Variants in RIMS1 observed in about 807,000 individuals in gnomAD.
RIMS1 encodes regulating synaptic membrane exocytosis protein 1.
Under a neutral mutation model 214.1 loss-of-function variants are expected in RIMS1, and 83 were observed. That is an observed-to-expected ratio of 0.39 (90% confidence interval 0.32 to 0.47). The LOEUF (loss-of-function observed/expected upper bound fraction) is 0.47, where lower values mean the gene tolerates loss of function less well. Ranked by LOEUF, RIMS1 falls within the 20% of genes least tolerant of loss-of-function variation. The probability of loss-of-function intolerance (pLI) is 0.99; values close to 1 mark genes in which losing one functional copy is unlikely to be tolerated. For missense variants in RIMS1, 2,050 were observed against 2,161.8 expected, an observed-to-expected ratio of 0.95 and a Z score of 1.03; for synonymous variants, 793 against 786.8, an observed-to-expected ratio of 1.01 and a Z score of -0.13.
At chr6:71,888,820 A>G (rs1768664736) in intron 1 of RIMS1, among the ~76,000 whole-genome samples, 1 of 152,222 alleles carries the variant, frequency 6.6e-6, no homozygotes, top group South Asian at 2.1e-4. Context: ...TTCTCATCCA[A>G]AAATCAAATA....
chr6:72,000,642 A>G (rs772038072), intron 2 of RIMS1, among the ~76,000 whole-genome samples: 3 of 152,166 alleles, frequency 2.0e-5, no homozygotes, highest in Non-Finnish European at 2.9e-5. Context: ...GGCTGCTTCT[A>G]AAGTCCTAAA....
intron 6 of RIMS1, among the ~76,000 whole-genome samples, chr6:72,210,641 CA>C (rs1321857661): frequency 2.0e-5 from 3 of 152,120 alleles, no homozygotes; most frequent in Non-Finnish European, 4.4e-5. Flanking sequence ...TGAGAGTCCC[CA>C]AATTTAAGGA....
At chr6:72,293,736 T>A (rs1218223836) in intron 26 of RIMS1, among the ~76,000 whole-genome samples, 1 of 151,788 alleles carries the variant, frequency 6.6e-6, no homozygotes, top group Admixed American at 6.6e-5. Flanking sequence ...CAAAATAAGT[T>A]GTATTGTATG....
chr6:71,951,765 C>G (rs930256872), intron 1 of RIMS1, among the ~76,000 whole-genome samples: 1 of 151,816 alleles, frequency 6.6e-6, no homozygotes, highest in Non-Finnish European at 1.5e-5. Context: ...CCAGCACTCT[C>G]CCAAAGTGCT....
At chr6:72,274,314 C>G in intron 22 of RIMS1, 35 bp from the exon 23 acceptor site, 1 of 1,454,914 alleles carries the variant, frequency 6.9e-7, no homozygotes, top group Non-Finnish European at 9.6e-7. Flanking sequence ...TACTAAATGT[C>G]CTGTTTTTTC....
At chr6:72,007,562 G>T (rs1343807863) in intron 2 of RIMS1, among the ~76,000 whole-genome samples, 1 of 152,164 alleles carries the variant, frequency 6.6e-6, no homozygotes, top group Non-Finnish European at 1.5e-5. Context: ...TGGCAAAGAA[G>T]TTAAAAACCT....
chr6:72,400,422 C>A, intron 33 of RIMS1, 74 bp from the exon 34 acceptor site: 1 of 1,268,272 alleles, frequency 7.9e-7, no homozygotes, highest in Non-Finnish European at 1.2e-6. Flanking sequence ...ACTTTTACAG[C>A]ATAGTTGCTT....
intron 4 of RIMS1, among the ~76,000 whole-genome samples, chr6:72,160,332 G>A (rs1017853092): frequency 2.9e-5 from 4 of 139,778 alleles, no homozygotes; most frequent in African/African-American, 9.9e-5. Context: ...TCTGCCAACA[G>A]GGACAATTTG....
At chr6:72,244,975 G>A (rs1380615319) in intron 10 of RIMS1, among the ~76,000 whole-genome samples, 1 of 151,884 alleles carries the variant, frequency 6.6e-6, no homozygotes, top group Non-Finnish European at 1.5e-5. Context: ...TTTGCATATT[G>A]TTAATCTTAA....
At chr6:72,212,056 T>C (rs546938115) in intron 6 of RIMS1, among the ~76,000 whole-genome samples, 1 of 152,252 alleles carries the variant, frequency 6.6e-6, no homozygotes, top group Non-Finnish European at 1.5e-5. Flanking sequence ...GCAAGGTGAT[T>C]GTGTTATTTT....
Position 72,265,526 on chromosome 6 carries a change from T to C in RIMS1, c.3308+23T>C, listed in dbSNP as rs749204277. On this transcript the variant is annotated intron_variant, in intron 21 of 33. Coordinates refer to ENST00000521978, the MANE Select transcript of RIMS1 (RefSeq NM_014989.7). The stretch of plus-strand genomic sequence containing the variant: ...TAGGTAAGAACATTTGGAAGTGATA[T>C]CTTCCGTTTCCCTTGTTTATTGTTG... The C allele has an allele frequency of 6.0e-6, 8 of 1,328,902 alleles. No individual in the cohort carries two copies. In the Admixed American group the frequency reaches 1.4e-4, roughly 23 times the overall value. The allele number at this position is 1,328,902 out of a possible 1,614,324, so 82.3% of individuals were successfully genotyped here. A position where few individuals can be genotyped will look rare whatever the true frequency, so the allele number is the denominator to read the frequency against.
At chr6:72,271,284 AAAATATATAT>A (rs1242222885) in intron 22 of RIMS1, among the ~76,000 whole-genome samples, 185 of 23,906 alleles carry the variant, frequency 7.7e-3, no homozygotes, top group African/African-American at 0.015. Context: ...AAAAAAAAAA[AAAATATATAT>A]ATATATATAT....
intron 29 of RIMS1, among the ~76,000 whole-genome samples, chr6:72,337,800 C>G (rs1466544284): frequency 7.2e-6 from 1 of 139,380 alleles, no homozygotes; most frequent in African/African-American, 2.7e-5. Flanking sequence ...TCCACGTGTT[C>G]TCATTGTTCA....
intron 2 of RIMS1, among the ~76,000 whole-genome samples, chr6:72,075,141 G>A (rs1312114579): frequency 2.0e-5 from 3 of 152,018 alleles, no homozygotes; most frequent in Non-Finnish European, 4.4e-5. Context: ...GAGTGCAGTG[G>A]TGCAATCACA....
chr6:72,184,062 C>T (rs2048760894), intron 6 of RIMS1, among the ~76,000 whole-genome samples: 1 of 152,140 alleles, frequency 6.6e-6, no homozygotes, highest in Non-Finnish European at 1.5e-5. Context: ...GTTGCGAGCA[C>T]CACTTTAAAA....
intron 1 of RIMS1, among the ~76,000 whole-genome samples, chr6:71,946,301 C>T (rs934906266): frequency 2.6e-5 from 4 of 151,890 alleles, no homozygotes; most frequent in Non-Finnish European, 5.9e-5. Flanking sequence ...CATATGAAAC[C>T]ACAAAAGACC....
chr6:72,042,252 T>C (rs1460447588), intron 2 of RIMS1, among the ~76,000 whole-genome samples: 1 of 151,796 alleles, frequency 6.6e-6, no homozygotes, highest in Admixed American at 6.6e-5. Flanking sequence ...CTCACTACAG[T>C]TGAGAGAAGA....
chr6:72,102,229 T>A (rs763224695), intron 4 of RIMS1, among the ~76,000 whole-genome samples: 25 of 151,924 alleles, frequency 1.6e-4, no homozygotes, highest in Admixed American at 1.3e-4. Flanking sequence ...TCATCACTAT[T>A]TTTTTAGTAA....
intron 1 of RIMS1, among the ~76,000 whole-genome samples, chr6:71,952,748 G>T (rs1255986911): frequency 1.3e-5 from 2 of 152,126 alleles, no homozygotes; most frequent in Non-Finnish European, 2.9e-5. Context: ...GAATCTCAGG[G>T]CACAGCGTTT....
Sources: gnomAD v4.1 joint callset for allele counts (sites outside exome capture counted in the v4.1 genomes callset) on GRCh38, gnomAD v4.1.1 for gene constraint, MANE v1.5 for transcripts, NCBI Gene and HGNC (gene_info 2026-07-23, HGNC 2026-07-21) for gene names.